The following FAM24B variants were observed in gnomAD, a reference collection of about 807,000 sequenced individuals.
FAM24B encodes the protein family with sequence similarity 24 member B, also known as protein FAM24B.
Under a neutral mutation model 2.3 loss-of-function variants are expected in FAM24B, and 3 were observed. The observed-to-expected ratio is 1.29, with a 90% CI of 0.59 to 3.32. The LOEUF is 3.32. FAM24B is among the 30% of genes most tolerant of loss of function. The pLI is 0.03. For synonymous variants in FAM24B, 36 were observed against 46.3 expected (o/e 0.78, Z 0.90); for missense variants, 98 against 117.2 (o/e 0.84, Z 0.76).
At chr10:122,854,752 C>T (rs996108396) in intron 2 of FAM24B, among the ~76,000 whole-genome samples, 2 of 152,158 alleles carry the variant, frequency 1.3e-5, no homozygotes, top group Non-Finnish European at 1.5e-5. Context: ...TTGCAAAATG[C>T]GATTCCCAAT....
intron 3 of FAM24B, 61 bp downstream of exon 3, chr10:122,850,363 T>C (rs1847508025): frequency 7.4e-7 from 1 of 1,347,690 alleles, no homozygotes. Flanking sequence ...GAGGAAGTGC[T>C]ATCCCCTTTT....
intron 1 of FAM24B, among the ~76,000 whole-genome samples, chr10:122,870,974 T>C (rs1225086544): frequency 1.3e-5 from 2 of 152,124 alleles, no homozygotes; most frequent in African/African-American, 2.4e-5. Context: ...GGCATTCAAT[T>C]AGGAAAAGAG....
At chr10:122,867,013 G>GT (rs1566260465) in intron 1 of FAM24B, among the ~76,000 whole-genome samples, 2 of 152,124 alleles carry the variant, frequency 1.3e-5, no homozygotes, top group Admixed American at 6.5e-5. Flanking sequence ...AGTTCTCAAA[G>GT]GAAATTAAAA....
chr10:122,867,853 G>A (rs988879560), intron 1 of FAM24B, among the ~76,000 whole-genome samples: 8 of 152,100 alleles, frequency 5.3e-5, no homozygotes, highest in Non-Finnish European at 1.0e-4. Context: ...AAACAGAGCC[G>A]AAAAACCGGA....
At chr10:122,852,468 T>C (rs1009876563) in intron 2 of FAM24B, among the ~76,000 whole-genome samples, 1 of 152,132 alleles carries the variant, frequency 6.6e-6, no homozygotes, top group African/African-American at 2.4e-5. Context: ...ACTCACCAGG[T>C]TCTTATAATG....
At chr10:122,859,353 A>G (rs1457831302) in intron 1 of FAM24B, among the ~76,000 whole-genome samples, 1 of 152,230 alleles carries the variant, frequency 6.6e-6, no homozygotes, top group East Asian at 1.9e-4. Context: ...AGCATGGCAG[A>G]AAGCTTTATA....
At chr10:122,867,278 A>G (rs1020860320) in intron 1 of FAM24B, among the ~76,000 whole-genome samples, 1 of 152,238 alleles carries the variant, frequency 6.6e-6, no homozygotes, top group Non-Finnish European at 1.5e-5. Context: ...TTAAGTAGGT[A>G]AACAAAGCAG....
Position 122,850,394 on chromosome 10 carries a change from T to C in FAM24B, c.92+30A>G, listed in dbSNP as rs148060012. On this transcript the variant is annotated intron_variant, in intron 3 of 3. Coordinates refer to ENST00000368898, the MANE Select transcript of FAM24B (RefSeq NM_152644.3). ...CTTTTCCCCATGTGACTCACTTTAGTACGTTGTTTATTTTGAACTTGTGAC... is the reference window on the plus strand; with the variant it reads ...CTTTTCCCCATGTGACTCACTTTAGCACGTTGTTTATTTTGAACTTGTGAC... The C allele has an allele frequency of 1.7e-4, 269 of 1,563,752 alleles. No homozygotes were observed. In the African/African-American group the frequency reaches 2.5e-3, roughly 15 times the overall value.
chr10:122,870,832 C>T (rs1296431556), intron 1 of FAM24B, among the ~76,000 whole-genome samples: 2 of 152,180 alleles, frequency 1.3e-5, no homozygotes, highest in Admixed American at 1.3e-4. Context: ...CAATATCATA[C>T]TGAATGGACA....
chr10:122,863,813 A>G (rs924516737), intron 1 of FAM24B, among the ~76,000 whole-genome samples: 1 of 152,242 alleles, frequency 6.6e-6, no homozygotes, highest in African/African-American at 2.4e-5. Flanking sequence ...ATACTGGGCC[A>G]GTGTCGGCTA....
chr10:122,876,096 C>A, intron 1 of FAM24B, among the ~76,000 whole-genome samples: 1 of 152,314 alleles, frequency 6.6e-6, no homozygotes, highest in Non-Finnish European at 1.5e-5. Flanking sequence ...TCTCTCAAGG[C>A]GCTTGCTTGG....
intron 1 of FAM24B, among the ~76,000 whole-genome samples, chr10:122,878,384 T>G (rs1346699901): frequency 6.6e-6 from 1 of 151,932 alleles, no homozygotes; most frequent in African/African-American, 2.4e-5. Flanking sequence ...AATACAAAAA[T>G]TAGCTGGGCC....
At chr10:122,873,538 C>A (rs1320104802) in intron 1 of FAM24B, among the ~76,000 whole-genome samples, 1 of 152,212 alleles carries the variant, frequency 6.6e-6, no homozygotes, top group Non-Finnish European at 1.5e-5. Flanking sequence ...TCATGTCTAC[C>A]AACACAACAT....
intron 1 of FAM24B, among the ~76,000 whole-genome samples, chr10:122,873,166 C>A (rs1426785257): frequency 1.3e-5 from 2 of 152,074 alleles, no homozygotes; most frequent in Non-Finnish European, 2.9e-5. Flanking sequence ...CAAAGATGCC[C>A]TCTAGGACTT....
chr10:122,868,019 T>C (rs1847828612), intron 1 of FAM24B, among the ~76,000 whole-genome samples: 1 of 151,972 alleles, frequency 6.6e-6, no homozygotes, highest in Non-Finnish European at 1.5e-5. Flanking sequence ...TTCAAACCAA[T>C]GGCAAAGAAG....
At chr10:122,850,327 C>G (rs1381301220) in intron 3 of FAM24B, 97 bp downstream of exon 3, 2 of 978,876 alleles carry the variant, frequency 2.0e-6, no homozygotes, top group East Asian at 2.4e-5. Context: ...TGACCTTGCT[C>G]CAACAGGAAG....
intron 1 of FAM24B, among the ~76,000 whole-genome samples, chr10:122,870,438 A>C (rs1847875675): frequency 1.3e-5 from 2 of 152,244 alleles, no homozygotes; most frequent in Non-Finnish European, 2.9e-5. Context: ...TCATTTTATG[A>C]GGCCAGCATC....
chr10:122,860,467 T>C (rs941328013), intron 1 of FAM24B, among the ~76,000 whole-genome samples: 1 of 152,228 alleles, frequency 6.6e-6, no homozygotes, highest in Non-Finnish European at 1.5e-5. Flanking sequence ...ATAAAAAAGC[T>C]GCTATAATAC....
intron 1 of FAM24B, among the ~76,000 whole-genome samples, chr10:122,865,678 T>A (rs1455577383): frequency 6.6e-6 from 1 of 152,168 alleles, no homozygotes; most frequent in African/African-American, 2.4e-5. Context: ...TGGATAAAAC[T>A]GCATAAAATT....
Sources: gnomAD v4.1 joint callset for allele counts (sites outside exome capture counted in the v4.1 genomes callset) on GRCh38, gnomAD v4.1.1 for gene constraint, MANE v1.5 for transcripts, NCBI Gene and HGNC (gene_info 2026-07-23, HGNC 2026-07-21) for gene names.